Variants in MCTP1 observed in about 807,000 individuals in gnomAD.
MCTP1 encodes multiple C2 and transmembrane domain-containing protein 1.
A neutral mutation model predicts 120.6 loss-of-function variants in MCTP1; 69 were observed. The ratio of observed to expected loss-of-function variants is 0.57; its 90% confidence interval spans 0.47 to 0.70. The LOEUF (loss-of-function observed/expected upper bound fraction) is 0.70, where lower values mean the gene tolerates loss of function less well. Among genes scored for constraint, MCTP1 ranks in the 30% least tolerant of loss-of-function variants. The probability of loss-of-function intolerance (pLI) is 0.00; values close to 1 mark genes in which losing one functional copy is unlikely to be tolerated. For missense variants in MCTP1, 1,203 were observed against 1,248.8 expected, an observed-to-expected ratio of 0.96 and a Z score of 0.55; for synonymous variants, 529 against 493.1, an observed-to-expected ratio of 1.07 and a Z score of -0.96.
chr5:95,164,368 T>A (rs2152482046), intron 1 of MCTP1, among the ~76,000 whole-genome samples: 1 of 152,254 alleles, frequency 6.6e-6, no homozygotes, highest in East Asian at 1.9e-4. Context: ...CAATAAATGT[T>A]TTGGAATCTT....
chr5:94,946,447 G>T (rs1818947907), intron 3 of MCTP1, among the ~76,000 whole-genome samples: 1 of 152,116 alleles, frequency 6.6e-6, no homozygotes, highest in East Asian at 1.9e-4. Flanking sequence ...GAACCATATG[G>T]ATCTTCAAAG....
chr5:94,854,209 C>T (rs915397861), intron 17 of MCTP1, among the ~76,000 whole-genome samples: 2 of 151,766 alleles, frequency 1.3e-5, no homozygotes, highest in Non-Finnish European at 2.9e-5. Context: ...AGGAGAGCCC[C>T]AGGGCCTAGT....
rs145542662 is a variant in MCTP1, at chr5:94,794,370, G to A, written c.2556+4643C>T. On this transcript the variant is annotated intron_variant, in intron 18 of 22. Transcript: ENST00000515393. ...AATGGAAGGTAGCCCTCCTGGTCAC[G>A]AATGCTTCTGAAATTAACAGGGGCA... 1.0e-3 allele frequency among the ~76,000 whole-genome samples: 152 copies of A among 152,348 alleles called. 3 individuals are homozygous for A. The South Asian group carries it at 0.013, about 13-fold the overall frequency.
At chr5:95,184,007 G>T (rs1443628301) in intron 1 of MCTP1, among the ~76,000 whole-genome samples, 5 of 152,190 alleles carry the variant, frequency 3.3e-5, no homozygotes, top group East Asian at 1.9e-4. Flanking sequence ...GGGCCTGTTG[G>T]GGGGTGAGGG....
At chr5:94,839,068 TCAAC>T (rs1481480633) in intron 17 of MCTP1, among the ~76,000 whole-genome samples, 5 of 152,178 alleles carry the variant, frequency 3.3e-5, no homozygotes, top group African/African-American at 1.2e-4. Context: ...TGCTCATTAA[TCAAC>T]CAACCAACCA....
rs529468707 is a variant in MCTP1 at position 95,060,970 on chromosome 5, G to T, written c.721-43486C>A. Among the ~76,000 whole-genome samples the T allele has an allele frequency of 9.8e-5, 14 of 143,404 alleles. No individual in the cohort carries two copies. The East Asian group carries it at 2.3e-3, about 23-fold the overall frequency. 94.1% of individuals were successfully genotyped at this position (143,404 alleles called of 152,430 possible). On this transcript the variant is annotated intron_variant, in intron 1 of 22. Coordinates refer to ENST00000515393, the MANE Select transcript of MCTP1 (RefSeq NM_024717.7). ...AAAAAAAAAAGAAAAGAAAAGAAAA[G>T]AAAATAATGAAGAATCTGTCCTCAA...
intron 17 of MCTP1, among the ~76,000 whole-genome samples, chr5:94,865,481 G>C (rs190597815): frequency 1.3e-5 from 2 of 151,708 alleles, no homozygotes; most frequent in Admixed American, 1.3e-4. Context: ...AAGTAGAACC[G>C]ATATTATGAT....
intron 1 of MCTP1, among the ~76,000 whole-genome samples, chr5:95,074,131 A>T (rs755240409): frequency 3.9e-5 from 6 of 152,206 alleles, no homozygotes; most frequent in Non-Finnish European, 7.3e-5. Flanking sequence ...AAAAAAGAAA[A>T]AAAATTACAC....
chr5:94,772,732 A>G (rs1774362191), intron 19 of MCTP1, among the ~76,000 whole-genome samples: 1 of 152,178 alleles, frequency 6.6e-6, no homozygotes, highest in Non-Finnish European at 1.5e-5. Context: ...GGTGAAAGGT[A>G]TATTCCCTTA....
intron 19 of MCTP1, 123 bp downstream of exon 19, chr5:94,778,987 A>G (rs949615712): frequency 6.3e-6 from 5 of 796,322 alleles, no homozygotes; most frequent in African/African-American, 3.4e-5. Context: ...TTAGGATGAT[A>G]AACAGCACTG....
At chr5:95,156,099 T>C (rs565158983) in intron 1 of MCTP1, among the ~76,000 whole-genome samples, 22 of 152,120 alleles carry the variant, frequency 1.4e-4, no homozygotes, top group African/African-American at 4.8e-4. Flanking sequence ...CTGTCAATGA[T>C]GTAAATGAGC....
chr5:94,801,506 C>G (rs1042855848), intron 17 of MCTP1, among the ~76,000 whole-genome samples: 2 of 152,180 alleles, frequency 1.3e-5, no homozygotes, highest in African/African-American at 4.8e-5. Context: ...CAGTCATGAA[C>G]TATTTTGGAT....
chr5:94,733,334 C>T (rs1372035731), intron 19 of MCTP1, among the ~76,000 whole-genome samples: 1 of 152,162 alleles, frequency 6.6e-6, no homozygotes, highest in Non-Finnish European at 1.5e-5. Flanking sequence ...AAAACCCATA[C>T]TAATGTAATA....
chr5:94,996,659 A>G (rs1412299534), intron 2 of MCTP1, among the ~76,000 whole-genome samples: 1 of 152,146 alleles, frequency 6.6e-6, no homozygotes. Context: ...AAAATTGTAC[A>G]TGTTCAGTAG....
In MCTP1 at chr5:95,219,612, T is replaced by A. The variant is rs189048564; in HGVS notation, c.720+64244A>T. On this transcript the variant is annotated intron_variant, in intron 1 of 22. Coordinates refer to ENST00000515393, the MANE Select transcript of MCTP1 (RefSeq NM_024717.7). ...AACAATAAAGATCTAAAGCAGCTGT[T>A]CAGCTTTGGGTGGACCACACAGAGC... Among the ~76,000 whole-genome samples the A allele has an allele frequency of 1.5e-3, 234 of 152,262 alleles. 1 individual carries two copies. Among genetic ancestry groups the A allele is most frequent in the African/African-American group, 5.2e-3 (214 of 41,542 alleles).
rs1582196305 is a variant in MCTP1, at chr5:95,079,916, C to G, written c.721-62432G>C. ...TTCACTGGTATAGTAGGACATAAGT[C>G]ATTAACTCCTCTAATTGTGAAAAGT... On this transcript the variant is annotated intron_variant, in intron 1 of 22. Transcript: ENST00000515393. Among the ~76,000 whole-genome samples the G allele has an allele frequency of 2.6e-5, 4 of 152,126 alleles. 1 individual carries two copies. The highest frequency in any genetic ancestry group is 2.6e-4 in the Admixed American group (4 of 15,282).
At chr5:95,068,676 C>T (rs936832668) in intron 1 of MCTP1, 16 of 524,460 alleles carry the variant, frequency 3.1e-5, no homozygotes, top group Admixed American at 4.7e-5. Context: ...TTCTCCATGT[C>T]GGTTTGCATT....
chr5:94,828,109 G>A (rs1787641867), intron 17 of MCTP1, among the ~76,000 whole-genome samples: 1 of 152,026 alleles, frequency 6.6e-6, no homozygotes, highest in Non-Finnish European at 1.5e-5. Flanking sequence ...TCTACCTTTG[G>A]TCTTTGCTGT....
intron 6 of MCTP1, among the ~76,000 whole-genome samples, chr5:94,924,721 C>G (rs927044946): frequency 6.6e-6 from 1 of 152,172 alleles, no homozygotes; most frequent in African/African-American, 2.4e-5. Context: ...AAATTACAGT[C>G]TTCCCTTAAA....
Sources: gnomAD v4.1 joint callset for allele counts (sites outside exome capture counted in the v4.1 genomes callset) on GRCh38, gnomAD v4.1.1 for gene constraint, MANE v1.5 for transcripts, NCBI Gene and HGNC (gene_info 2026-07-23, HGNC 2026-07-21) for gene names.